Variants in EPHA4 observed in about 807,000 individuals in gnomAD.
EPHA4 encodes EPH receptor A4, also known as ephrin type-A receptor 4.
Under a neutral mutation model 108.3 loss-of-function variants are expected in EPHA4, and 19 were observed. That is an observed-to-expected ratio of 0.18 (90% CI 0.12 to 0.26). The LOEUF is 0.26. Ranked by LOEUF, EPHA4 falls within the 10% of genes least tolerant of loss-of-function variation. EPHA4 has a pLI of 1.00. For missense variants in EPHA4, 917 were observed against 1,254.0 expected (o/e 0.73, Z 4.06); for synonymous variants, 449 against 455.5 (o/e 0.99, Z 0.18).
In EPHA4 at chr2:221,425,612, T is replaced by C. The variant is rs1184556923; in HGVS notation, c.*416A>G. 6.1e-6 allele frequency: 1 copy of C among 164,050 alleles called. No homozygotes were observed. The highest frequency in any genetic ancestry group is 1.3e-5 in the Non-Finnish European group (1 of 75,472). The allele number at this position is 164,050 out of a possible 1,614,324, so 10.2% of individuals were successfully genotyped here. On this transcript the variant is annotated 3_prime_UTR_variant, in exon 17 of 18. Transcript: ENST00000281821. ...TTCCTAGGCATGGTCTTCATTCCAG[T>C]GAAAGACAGATGACTGTAATTTATG...
chr2:221,458,954 A>G (rs2106119649), intron 5 of EPHA4, among the ~76,000 whole-genome samples: 1 of 152,266 alleles, frequency 6.6e-6, no homozygotes, highest in South Asian at 2.1e-4. Flanking sequence ...TTTATTCCCA[A>G]ACTGGGGAAA....
Position 221,451,551 on chromosome 2 carries a change from T to C in EPHA4, c.1715+3996A>G, listed in dbSNP as rs1046186145. Among the ~76,000 whole-genome samples, 8 of 152,244 alleles carry C rather than the reference T, an allele frequency of 5.3e-5. No individual in the cohort carries two copies. The South Asian group carries it at 6.2e-4, about 12-fold the overall frequency. ...GAGAGAATGTACAAATAGAGATTTG[T>C]TTGTGGTTTGAAATAAAATTTATAG... On this transcript the variant is annotated intron_variant, in intron 8 of 17. Transcript: ENST00000281821.
At chr2:221,456,823 C>A (rs1287374678) in intron 6 of EPHA4, 51 bp from the exon 7 acceptor site, 3 of 1,603,268 alleles carry the variant, frequency 1.9e-6, no homozygotes, top group Non-Finnish European at 2.6e-6. Flanking sequence ...AAATCTCCTG[C>A]TTACTTACTA....
chr2:221,566,842 G>GAGGAGA (rs1559297014), intron 2 of EPHA4, among the ~76,000 whole-genome samples: 1 of 38,352 alleles, frequency 2.6e-5, no homozygotes, highest in African/African-American at 2.1e-4. Context: ...GGAGAAGAAG[G>GAGGAGA]AGAAGGAGAA....
At chr2:221,517,069 C>G (rs1693010067) in intron 3 of EPHA4, among the ~76,000 whole-genome samples, 1 of 152,212 alleles carries the variant, frequency 6.6e-6, no homozygotes. Flanking sequence ...GAAGGGATGA[C>G]TGGCACGGCC....
chr2:221,440,908 C>T (rs114774784), intron 11 of EPHA4, among the ~76,000 whole-genome samples: 1,582 of 152,216 alleles, frequency 0.01, 20 homozygotes, highest in African/African-American at 0.036. Context: ...GTTCTCAAAG[C>T]GTGATTCCCA....
chr2:221,552,401 G>A (rs1180251853), intron 3 of EPHA4, among the ~76,000 whole-genome samples: 2 of 152,112 alleles, frequency 1.3e-5, no homozygotes, highest in East Asian at 1.9e-4. Context: ...GCGGAGAAGC[G>A]ATCTGGGCAC....
At chr2:221,532,712 T>A (rs540079281) in intron 3 of EPHA4, 3 of 152,240 alleles carry the variant, frequency 2.0e-5, no homozygotes, top group Non-Finnish European at 4.4e-5. Flanking sequence ...CTGGGCACCT[T>A]GTCTGTAGCT....
chr2:221,457,085 T>C (rs1317801278), intron 6 of EPHA4, among the ~76,000 whole-genome samples: 1 of 152,186 alleles, frequency 6.6e-6, no homozygotes, highest in South Asian at 2.1e-4. Flanking sequence ...CACCCAGCAA[T>C]TTAAAAGAAA....
At chr2:221,526,648 A>C (rs1277063317) in intron 3 of EPHA4, among the ~76,000 whole-genome samples, 1 of 151,850 alleles carries the variant, frequency 6.6e-6, no homozygotes, top group Non-Finnish European at 1.5e-5. Context: ...GGAGTTCCAG[A>C]CCAGCCTAGC....
intron 3 of EPHA4, among the ~76,000 whole-genome samples, chr2:221,525,798 G>A (rs377699151): frequency 5.9e-5 from 9 of 152,118 alleles, no homozygotes; most frequent in South Asian, 2.1e-4. Context: ...AAAATAAAAC[G>A]TTGCCAAGAA....
intron 3 of EPHA4, among the ~76,000 whole-genome samples, chr2:221,514,619 A>T (rs1165284046): frequency 6.6e-6 from 1 of 152,136 alleles, no homozygotes; most frequent in Non-Finnish European, 1.5e-5. Flanking sequence ...GTTGGGAGGG[A>T]CTATCAGGTA....
At chr2:221,545,151 C>A (rs1458322561) in intron 3 of EPHA4, among the ~76,000 whole-genome samples, 1 of 152,156 alleles carries the variant, frequency 6.6e-6, no homozygotes, top group Non-Finnish European at 1.5e-5. Context: ...AATTACAAAG[C>A]AAATAAAAAG....
intron 14 of EPHA4, among the ~76,000 whole-genome samples, chr2:221,432,359 G>A (rs1053485784): frequency 6.6e-6 from 1 of 152,070 alleles, no homozygotes; most frequent in Admixed American, 6.5e-5. Context: ...CCCTGTGAGA[G>A]TCTCTAACCT....
chr2:221,476,716 G>A (rs1415072702), intron 5 of EPHA4, among the ~76,000 whole-genome samples: 1 of 152,032 alleles, frequency 6.6e-6, no homozygotes, highest in Non-Finnish European at 1.5e-5. Flanking sequence ...CTATCTAGAA[G>A]ACAGGTAGCA....
chr2:221,434,340 G>A (rs369245333), intron 13 of EPHA4, 49 bp from the exon 14 acceptor site: 2 of 1,583,918 alleles, frequency 1.3e-6, no homozygotes, highest in Non-Finnish European at 1.7e-6. Context: ...TCACTGATGT[G>A]CCATTTTAGA....
At chr2:221,485,224 G>C (rs1452113536) in intron 4 of EPHA4, among the ~76,000 whole-genome samples, 2 of 152,090 alleles carry the variant, frequency 1.3e-5, no homozygotes, top group Non-Finnish European at 2.9e-5. Flanking sequence ...AAACAGAGAA[G>C]AAATGGAGCA....
chr2:221,469,484 T>G (rs1691410555), intron 5 of EPHA4, among the ~76,000 whole-genome samples: 1 of 152,148 alleles, frequency 6.6e-6, no homozygotes, highest in South Asian at 2.1e-4. Context: ...AGATTTCTAT[T>G]TTTTATTTCT....
At chr2:221,471,114 A>G (rs907297703) in intron 5 of EPHA4, among the ~76,000 whole-genome samples, 1 of 152,196 alleles carries the variant, frequency 6.6e-6, no homozygotes, top group Non-Finnish European at 1.5e-5. Context: ...AGGTCAGTAG[A>G]TATCTTCAAC....
Sources: allele counts gnomAD v4.1 joint callset (sites outside exome capture counted in the v4.1 genomes callset), GRCh38; gene constraint gnomAD v4.1.1; transcripts MANE v1.5; gene names NCBI Gene and HGNC (gene_info 2026-07-23, HGNC 2026-07-21).